Variants in TPO observed in about 807,000 individuals in gnomAD.
TPO encodes thyroid peroxidase.
TPO carries 78 observed loss-of-function variants against 96.9 expected under a neutral mutation model. The ratio of observed to expected loss-of-function variants is 0.81; its 90% CI spans 0.67 to 0.97. The LOEUF is 0.97. TPO is among the 50% of genes least tolerant of loss of function. The pLI, the probability that TPO is intolerant of heterozygous loss-of-function variation, is 0.00. For synonymous variants in TPO, 547 were observed against 538.0 expected, an observed-to-expected ratio of 1.02 and a Z score of -0.23; for missense variants, 1,252 against 1,274.8, an observed-to-expected ratio of 0.98 and a Z score of 0.27.
At chr2:1,512,537 C>T (rs74652632) in intron 14 of TPO, 79,434 of 950,316 alleles carry the variant, frequency 0.084, 3,440 homozygotes, top group Admixed American at 0.095. Context: ...TGCCCCGCTC[C>T]GCCCCTGCTG....
chr2:1,403,774 G>A (rs1261148488), intron 1 of TPO, among the ~76,000 whole-genome samples: 2 of 152,168 alleles, frequency 1.3e-5, no homozygotes, highest in African/African-American at 4.8e-5. Context: ...ATTTCACTGT[G>A]GTGTGACCAC....
intron 15 of TPO, among the ~76,000 whole-genome samples, chr2:1,531,375 C>G (rs1213258862): frequency 2.6e-4 from 19 of 71,916 alleles, no homozygotes; most frequent in Middle Eastern, 8.5e-3. Flanking sequence ...CCTCCCGACT[C>G]TGTGCAACCT....
chr2:1,502,327 A>G (rs1672953194), intron 13 of TPO, among the ~76,000 whole-genome samples: 1 of 152,164 alleles, frequency 6.6e-6, no homozygotes, highest in Non-Finnish European at 1.5e-5. Context: ...TGCTAGATAG[A>G]GACAATTAAC....
chr2:1,530,387 C>A (rs565053498), intron 15 of TPO, among the ~76,000 whole-genome samples: 4 of 144,592 alleles, frequency 2.8e-5, no homozygotes, highest in Non-Finnish European at 6.1e-5. Context: ...GTGTGTGCAA[C>A]TTCCCTAAAT....
chr2:1,434,661 C>T (rs1445697059), intron 4 of TPO, among the ~76,000 whole-genome samples: 2 of 152,108 alleles, frequency 1.3e-5, no homozygotes, highest in African/African-American at 4.8e-5. Context: ...TGCTCACTGC[C>T]GGGTCTGTAG....
chr2:1,406,706 C>G (rs1457597871), intron 1 of TPO, among the ~76,000 whole-genome samples: 3 of 152,222 alleles, frequency 2.0e-5, no homozygotes, highest in African/African-American at 7.2e-5. Flanking sequence ...CCCCTAGAAA[C>G]TCCTTCAGGG....
intron 1 of TPO, among the ~76,000 whole-genome samples, chr2:1,374,578 T>A (rs529400489): frequency 6.6e-6 from 1 of 152,316 alleles, no homozygotes; most frequent in East Asian, 1.9e-4. Context: ...GACAAGCATG[T>A]GTTTGCCCCT....
chr2:1,432,694 C>A (rs2148487197), intron 3 of TPO, among the ~76,000 whole-genome samples: 1 of 92,830 alleles, frequency 1.1e-5, no homozygotes, highest in Middle Eastern at 6.3e-3. Flanking sequence ...TGGGGTGAGG[C>A]CTGCAGGTGA....
At chr2:1,447,247 C>T (rs1666912475) in intron 5 of TPO, among the ~76,000 whole-genome samples, 1 of 152,216 alleles carries the variant, frequency 6.6e-6, no homozygotes, top group South Asian at 2.1e-4. Context: ...TGCCTGGAGA[C>T]TTCACCTGCA....
intron 7 of TPO, among the ~76,000 whole-genome samples, chr2:1,475,379 C>A (rs77615951): frequency 0.018 from 2,729 of 151,904 alleles, 85 homozygotes; most frequent in African/African-American, 0.063. Flanking sequence ...CTACTCTAAG[C>A]CTCGCAGGCC....
intron 14 of TPO, chr2:1,512,308 T>C: frequency 1.3e-6 from 1 of 748,600 alleles, no homozygotes; most frequent in Non-Finnish European, 1.6e-6. Flanking sequence ...CAAATGTGTC[T>C]CTAGAGTTGA....
At chr2:1,517,076 C>G (rs1674793796) in intron 15 of TPO, 94 bp downstream of exon 15, 1 of 1,313,352 alleles carries the variant, frequency 7.6e-7, no homozygotes, top group African/African-American at 1.5e-5. Context: ...TTTCCCGAAG[C>G]TAACACAGGT....
At chr2:1,381,521 C>T (rs1195676619) in intron 1 of TPO, among the ~76,000 whole-genome samples, 1 of 152,150 alleles carries the variant, frequency 6.6e-6, no homozygotes, top group Non-Finnish European at 1.5e-5. Flanking sequence ...TCACCTCCAC[C>T]CAGGCCCCTC....
At position 1,414,439 on chromosome 2, in the gene TPO, C is replaced by T. The variant is rs140794688; in HGVS notation, c.31C>T (p.Leu11=). 3.0e-5 allele frequency: 48 copies of T among 1,613,926 alleles called. No homozygotes were observed. Among genetic ancestry groups the T allele is most frequent in the Non-Finnish European group, 3.8e-5 (45 of 1,180,004 alleles). ...AGCGCTCGCTGTGCTGTCTGTCACGCTGGTTATGGCCTGCACAGAAGCCTT... is the reference window on the plus strand; with the variant it reads ...AGCGCTCGCTGTGCTGTCTGTCACGTTGGTTATGGCCTGCACAGAAGCCTT... MRALAVLSVT[L]VMACTEAFFP... is the part of the protein sequence containing the mutation. Residue 11 remains leucine, a synonymous_variant, in exon 2 of 17, where the codon CTG becomes TTG. Transcript: ENST00000329066.
intron 4 of TPO, 98 bp downstream of exon 4, chr2:1,433,705 T>C: frequency 1.4e-6 from 2 of 1,436,516 alleles, no homozygotes. Context: ...TGTTTTTTAC[T>C]TGAGACCAAG....
In TPO at chr2:1,467,942, A is replaced by T. The variant is rs1282235595; in HGVS notation, c.820-9144A>T. On this transcript the variant is annotated intron_variant, in intron 7 of 16. Coordinates refer to ENST00000329066, the MANE Select transcript of TPO (RefSeq NM_001206744.2). The stretch of plus-strand genomic sequence containing the variant: ...CAAGGCCTTTTATCATTATATAATG[A>T]CCCTCTTTGTCTTTTTTAACCACTG... Among the ~76,000 whole-genome samples the T allele has an allele frequency of 7.7e-5, 5 of 64,896 alleles. 1 individual carries two copies. Among genetic ancestry groups the T allele is most frequent in the Non-Finnish European group, 1.9e-4 (5 of 26,396 alleles). 42.6% of individuals were successfully genotyped at this position (64,896 alleles called of 152,430 possible). A position where few individuals can be genotyped will look rare whatever the true frequency, so the allele number is the denominator to read the frequency against.
intron 1 of TPO, among the ~76,000 whole-genome samples, chr2:1,376,689 G>A (rs978106076): frequency 2.6e-5 from 4 of 152,182 alleles, no homozygotes; most frequent in Non-Finnish European, 2.9e-5. Flanking sequence ...ACCCATGACC[G>A]AGCACCCTTC....
upstream of TPO, among the ~76,000 whole-genome samples, chr2:1,412,391 C>T (rs566251661): frequency 5.1e-4 from 78 of 152,292 alleles, no homozygotes; most frequent in Non-Finnish European, 8.2e-4. Context: ...CAAACCCCAC[C>T]CTCCTAGTGA....
chr2:1,383,301 ACT>A (rs1464777532), intron 1 of TPO, among the ~76,000 whole-genome samples: 1 of 152,194 alleles, frequency 6.6e-6, no homozygotes, highest in Non-Finnish European at 1.5e-5. Context: ...GAATTGCCAC[ACT>A]GTCTTCCACA....
Sources: gnomAD v4.1 joint callset for allele counts (sites outside exome capture counted in the v4.1 genomes callset) on GRCh38, gnomAD v4.1.1 for gene constraint, MANE v1.5 for transcripts, NCBI Gene and HGNC (gene_info 2026-07-23, HGNC 2026-07-21) for gene names.